Variants in PARVB observed in about 807,000 individuals in gnomAD.
The protein encoded by PARVB is beta-parvin.
In PARVB, 46 loss-of-function variants were observed where a neutral mutation model predicts 47.0. That is an observed-to-expected ratio of 0.98 (90% CI 0.77 to 1.25). The LOEUF (loss-of-function observed/expected upper bound fraction) is 1.25. Ranked by LOEUF, PARVB falls within the 50% of genes most tolerant of loss-of-function variation. The probability of loss-of-function intolerance (pLI) is 0.00; values close to 1 mark genes in which losing one functional copy is unlikely to be tolerated. For missense variants in PARVB, 473 were observed against 471.6 expected, an observed-to-expected ratio of 1.00 and a Z score of -0.03; for synonymous variants, 196 against 196.3, an observed-to-expected ratio of 1.00 and a Z score of 0.01.
At chr22:44,074,448 A>G (rs184275563) in intron 1 of PARVB, among the ~76,000 whole-genome samples, 177 of 152,290 alleles carry the variant, frequency 1.2e-3, no homozygotes, top group African/African-American at 4.1e-3. Flanking sequence ...TGTCACTGGT[A>G]TCTGGAGATC....
Position 44,168,928 on chromosome 22 carries a change from C to T in PARVB, c.*250C>T. 2.2e-6 allele frequency: 1 copy of T among 462,382 alleles called. No individual in the cohort carries two copies. Among genetic ancestry groups the T allele is most frequent in the Non-Finnish European group, 3.9e-6 (1 of 255,164 alleles). The allele number at this position is 462,382 out of a possible 1,614,324, so 28.6% of individuals were successfully genotyped here. The stretch of plus-strand genomic sequence containing the variant: ...AAATGCAGGATTCTAAACACTCGTG[C>T]TTGCGTTTGAAGCCTCGCGTCACTC... On this transcript the variant is annotated 3_prime_UTR_variant, in exon 13 of 13. Transcript: ENST00000338758.
At chr22:44,010,788 G>C (rs2050514073) in intron 2 of PARVB, among the ~76,000 whole-genome samples, 1 of 151,562 alleles carries the variant, frequency 6.6e-6, no homozygotes, top group African/African-American at 2.4e-5. Context: ...TAAATGTTTG[G>C]GACCAAAAAA....
At chr22:44,041,889 A>G (rs2051025339) in intron 1 of PARVB, among the ~76,000 whole-genome samples, 1 of 151,626 alleles carries the variant, frequency 6.6e-6, no homozygotes, top group Non-Finnish European at 1.5e-5. Context: ...TGCCTCAAAA[A>G]TAAATAAATA....
At chr22:44,124,890 T>A (rs1273628721) in intron 4 of PARVB, among the ~76,000 whole-genome samples, 1 of 152,088 alleles carries the variant, frequency 6.6e-6, no homozygotes, top group Non-Finnish European at 1.5e-5. Flanking sequence ...GGTGGGGTGC[T>A]GTTTAGGAGA....
chr22:44,091,888 A>C (rs906525089), intron 1 of PARVB, among the ~76,000 whole-genome samples: 5 of 151,954 alleles, frequency 3.3e-5, no homozygotes, highest in African/African-American at 1.2e-4. Context: ...CCTTCGGGGG[A>C]GTGGGTAACT....
chr22:44,051,242 A>G (rs756140036), intron 1 of PARVB, among the ~76,000 whole-genome samples: 4 of 152,212 alleles, frequency 2.6e-5, no homozygotes, highest in Admixed American at 6.5e-5. Flanking sequence ...CAAATTCCCA[A>G]CTGAAAAATA....
intron 12 of PARVB, chr22:44,168,273 G>A (rs552809794): frequency 6.8e-5 from 18 of 264,006 alleles, no homozygotes; most frequent in Admixed American, 2.5e-4. Flanking sequence ...TTTTGGTCCC[G>A]GTAAGTGTCA....
chr22:44,123,356 C>T (rs1569135158), intron 4 of PARVB, among the ~76,000 whole-genome samples: 1 of 152,064 alleles, frequency 6.6e-6, no homozygotes, highest in East Asian at 1.9e-4. Context: ...AGAACTGTGC[C>T]TTTGAGGTAC....
intron 1 of PARVB, among the ~76,000 whole-genome samples, chr22:44,042,596 T>A (rs1279332914): frequency 1.3e-5 from 2 of 152,184 alleles, no homozygotes; most frequent in Non-Finnish European, 2.9e-5. Context: ...CTGCACTTTG[T>A]TAGGGGAAGA....
chr22:44,112,487 C>G (rs1432319613), intron 3 of PARVB: 1 of 152,882 alleles, frequency 6.5e-6, no homozygotes, highest in Admixed American at 6.5e-5. Flanking sequence ...CTCCAGCGCT[C>G]TTTCCTCAGG....
rs2053006923 is a variant in PARVB at position 44,119,981 on chromosome 22, T to G, written c.376+841T>G. ...GAGGAATTCTTGGACTTGTAGTGGG[T>G]TCTCACGATGCCTGGCACTGTCATG... On this transcript the variant is annotated intron_variant, in intron 4 of 12. Coordinates refer to ENST00000338758, the MANE Select transcript of PARVB (RefSeq NM_013327.5). The G allele has an allele frequency of 2.1e-5, 9 of 421,800 alleles. No homozygotes were observed. The Admixed American group carries it at 2.3e-4, about 11-fold the overall frequency. The allele number at this position is 421,800 out of a possible 1,614,324, so 26.1% of individuals were successfully genotyped here.
chr22:44,042,776 C>T (rs921615547), intron 1 of PARVB, among the ~76,000 whole-genome samples: 9 of 152,158 alleles, frequency 5.9e-5, no homozygotes, highest in African/African-American at 2.2e-4. Context: ...ATTGCAAGGA[C>T]ATGTTTCTAC....
At chr22:44,030,018 T>A (rs2050797167) in intron 1 of PARVB, among the ~76,000 whole-genome samples, 1 of 152,154 alleles carries the variant, frequency 6.6e-6, no homozygotes, top group African/African-American at 2.4e-5. Flanking sequence ...AGGAGAGAAA[T>A]CTCAAAGCTC....
chr22:44,045,568 C>G (rs1241244236), intron 1 of PARVB, among the ~76,000 whole-genome samples: 1 of 152,150 alleles, frequency 6.6e-6, no homozygotes, highest in Non-Finnish European at 1.5e-5. Context: ...AGGTATGGGG[C>G]TGGGGGTTGG....
upstream of PARVB, among the ~76,000 whole-genome samples, chr22:44,021,748 AAAGTCTAGACTCACACACAC>A (rs1228557995): frequency 2.1e-5 from 3 of 140,302 alleles, no homozygotes; most frequent in African/African-American, 8.0e-5. Context: ...GTGTCCCTGT[AAAGTCTAGACTCACACACAC>A]ACACACACAC....
intron 1 of PARVB, chr22:44,086,760 C>T: frequency 1.0e-6 from 1 of 985,446 alleles, no homozygotes; most frequent in Non-Finnish European, 1.2e-6. Flanking sequence ...GACCTTCGTG[C>T]CTGATGAAGT....
exon 1 of PARVB, chr22:43,999,247 G>A: frequency 9.9e-7 from 1 of 1,006,986 alleles, no homozygotes; most frequent in South Asian, 1.6e-5. Context: ...CCCATCTCCG[G>A]CAGCTCCTTA....
chr22:44,159,406 A>G (rs1164539339), intron 11 of PARVB, among the ~76,000 whole-genome samples: 1 of 152,144 alleles, frequency 6.6e-6, no homozygotes, highest in Non-Finnish European at 1.5e-5. Context: ...TGAAACTGGG[A>G]TGAAAGTCTT....
intron 1 of PARVB, among the ~76,000 whole-genome samples, chr22:44,092,991 G>A (rs183035360): frequency 1.3e-5 from 2 of 152,268 alleles, no homozygotes; most frequent in African/African-American, 4.8e-5. Flanking sequence ...TTTGCAGCAT[G>A]TGATCAGGGA....
Sources: allele counts gnomAD v4.1 joint callset (sites outside exome capture counted in the v4.1 genomes callset), GRCh38; gene constraint gnomAD v4.1.1; transcripts MANE v1.5; gene names NCBI Gene and HGNC (gene_info 2026-07-23, HGNC 2026-07-21).